SACM1L: variants seen among roughly 807,000 people sequenced by gnomAD.
SACM1L encodes the protein SAC1 like phosphatidylinositide phosphatase.
In SACM1L, 32 loss-of-function variants were observed where a neutral mutation model predicts 89.5. The ratio of observed to expected loss-of-function variants is 0.36; its 90% CI spans 0.27 to 0.48. The LOEUF (loss-of-function observed/expected upper bound fraction) is 0.48, where lower values mean the gene tolerates loss of function less well. SACM1L is among the 20% of genes least tolerant of loss of function. The pLI, the probability that SACM1L is intolerant of heterozygous loss-of-function variation, is 0.99. For missense variants in SACM1L, 543 were observed against 708.5 expected (o/e 0.77, Z 2.65); for synonymous variants, 213 against 232.8 (o/e 0.92, Z 0.77).
chr3:45,707,151 G>A, intron 4 of SACM1L: 1 of 306,392 alleles, frequency 3.3e-6, no homozygotes, highest in Middle Eastern at 9.5e-4. Context: ...TGGAGAGAAG[G>A]GAAAACAGAA....
intron 13 of SACM1L, 92 bp from the exon 14 acceptor site, chr3:45,735,143 T>C: frequency 8.5e-7 from 1 of 1,179,676 alleles, no homozygotes; most frequent in Non-Finnish European, 1.2e-6. Flanking sequence ...TTTTTAATAA[T>C]GTCACTGAAA....
At chr3:45,689,591 G>A (rs1048974860) in intron 1 of SACM1L, 94 bp downstream of exon 1, 3 of 1,399,056 alleles carry the variant, frequency 2.1e-6, no homozygotes, top group Admixed American at 2.0e-5. Flanking sequence ...CCGGATTGCA[G>A]ATAGGGTGTG....
At chr3:45,742,515 T>C (rs1699337418) in intron 19 of SACM1L, among the ~76,000 whole-genome samples, 1 of 152,206 alleles carries the variant, frequency 6.6e-6, no homozygotes, top group South Asian at 2.1e-4. Flanking sequence ...AGGCCAGTAG[T>C]GTTGCAGAGA....
At chr3:45,739,281 C>G (rs1699267066) in intron 18 of SACM1L, among the ~76,000 whole-genome samples, 1 of 152,190 alleles carries the variant, frequency 6.6e-6, no homozygotes, top group African/African-American at 2.4e-5. Context: ...TCCAGTGTGT[C>G]AAGTGCTCTG....
chr3:45,706,517 C>G lies in SACM1L; in HGVS notation c.206-263C>G, dbSNP rs9311377. On this transcript the variant is annotated intron_variant, in intron 3 of 19. Transcript: ENST00000389061. ...ATTTTCTGTCTCTACTTTCCATTTA[C>G]TAAGACAAATCCTTTGGTTATGAAA... is the stretch of plus-strand genomic sequence containing the variant. Among the ~76,000 whole-genome samples, 2,071 of 152,292 alleles carry G rather than the reference C, an allele frequency of 0.014. 47 individuals are homozygous for G. The highest frequency in any genetic ancestry group is 0.046 in the African/African-American group (1,896 of 41,548).
chr3:45,737,529 C>A (rs528827446), intron 14 of SACM1L, 54 bp from the exon 15 acceptor site: 2 of 1,523,360 alleles, frequency 1.3e-6, no homozygotes, highest in South Asian at 2.4e-5. Context: ...TCTTCCTAAA[C>A]CATGTCTGCT....
intron 1 of SACM1L, among the ~76,000 whole-genome samples, chr3:45,693,954 G>A (rs1698063117): frequency 6.6e-6 from 1 of 152,116 alleles, no homozygotes; most frequent in South Asian, 2.1e-4. Context: ...AATTAGACTG[G>A]AAATGTAATT....
Position 45,703,459 on chromosome 3 carries a change from T to C in SACM1L, c.54T>C (p.Phe18=). ...TTAGGCATATCACACCTGAAAAATT[T>C]TATGTGGAAGCTTGTGATGATGGAG... ...QLKLHITPEK[F]YVEACDDGAD... is the part of the protein sequence containing the mutation. The change falls in exon 2 of 20, where the codon TTT becomes TTC. Residue 18 remains phenylalanine (F), a synonymous_variant. Transcript: ENST00000389061. 1 of 1,612,898 alleles carries C rather than the reference T, an allele frequency of 6.2e-7. No homozygotes were observed. The highest frequency in any genetic ancestry group is 8.5e-7 in the Non-Finnish European group (1 of 1,179,068).
chr3:45,717,451 C>T (rs1361395617), intron 7 of SACM1L, among the ~76,000 whole-genome samples: 4 of 152,112 alleles, frequency 2.6e-5, no homozygotes, highest in African/African-American at 7.2e-5. Context: ...TCTCCATGAA[C>T]CTGAGAATAG....
intron 1 of SACM1L, among the ~76,000 whole-genome samples, chr3:45,700,859 ATG>A (rs1698248980): frequency 6.6e-6 from 1 of 152,174 alleles, no homozygotes; most frequent in African/African-American, 2.4e-5. Flanking sequence ...TTTAGTAGAG[ATG>A]AGGTTTCACC....
At chr3:45,695,499 G>A (rs1470308904) in intron 1 of SACM1L, among the ~76,000 whole-genome samples, 1 of 152,126 alleles carries the variant, frequency 6.6e-6, no homozygotes, top group Non-Finnish European at 1.5e-5. Context: ...GACCTCAAGT[G>A]ATCCACCTGC....
intron 8 of SACM1L, among the ~76,000 whole-genome samples, chr3:45,721,023 A>G (rs1232433909): frequency 2.6e-5 from 4 of 152,244 alleles, no homozygotes; most frequent in Admixed American, 6.5e-5. Context: ...TACGTAAACA[A>G]ATTTTTAAAG....
chr3:45,710,201 C>G (rs1361046457), intron 5 of SACM1L, among the ~76,000 whole-genome samples: 1 of 142,400 alleles, frequency 7.0e-6, no homozygotes, highest in Non-Finnish European at 1.5e-5. Flanking sequence ...TTTTATTTTG[C>G]TTTTTTTTTT....
At chr3:45,739,527 G>GCTTGGGAAAAGA in intron 18 of SACM1L, 60 bp from the exon 19 acceptor site, 1 of 1,484,710 alleles carries the variant, frequency 6.7e-7, no homozygotes, top group Non-Finnish European at 9.4e-7. Context: ...ATGCACAACT[G>GCTTGGGAAAAGA]ATTTTGCTGC....
chr3:45,700,358 G>T (rs1369401355), intron 1 of SACM1L, among the ~76,000 whole-genome samples: 1 of 152,166 alleles, frequency 6.6e-6, no homozygotes, highest in African/African-American at 2.4e-5. Context: ...TGAAGAAAAT[G>T]GTTGTAATAA....
chr3:45,723,927 A>G (rs1163747751), intron 11 of SACM1L, among the ~76,000 whole-genome samples: 2 of 150,636 alleles, frequency 1.3e-5, no homozygotes, highest in African/African-American at 4.9e-5. Context: ...GGAATATTCC[A>G]TTGTGTATGT....
chr3:45,733,995 G>A (rs1452145554), intron 13 of SACM1L, among the ~76,000 whole-genome samples: 1 of 152,178 alleles, frequency 6.6e-6, no homozygotes, highest in African/African-American at 2.4e-5. Flanking sequence ...GGTAACTGTG[G>A]TTGGTTGCAG....
intron 11 of SACM1L, among the ~76,000 whole-genome samples, chr3:45,729,683 C>T (rs886329011): frequency 2.0e-5 from 3 of 152,132 alleles, no homozygotes; most frequent in Non-Finnish European, 4.4e-5. Context: ...CATTGAGAAT[C>T]TCTTGTGTGT....
chr3:45,734,520 G>A (rs1699155081), intron 13 of SACM1L: 1 of 152,056 alleles, frequency 6.6e-6, no homozygotes, highest in Non-Finnish European at 1.5e-5. Context: ...GCAGTGGTGT[G>A]ATCATAGTTC....
Sources: allele counts gnomAD v4.1 joint callset (sites outside exome capture counted in the v4.1 genomes callset), GRCh38; gene constraint gnomAD v4.1.1; transcripts MANE v1.5; gene names NCBI Gene and HGNC (gene_info 2026-07-23, HGNC 2026-07-21).